Variants in ZFP42 observed in about 807,000 individuals in gnomAD.
ZFP42 encodes the protein zinc finger protein 42 homolog.
For missense variants in ZFP42, 438 were observed against 377.1 expected (o/e 1.16, Z -1.34); for synonymous variants, 175 against 144.6 (o/e 1.21, Z -1.51).
chr4:188,000,866 G>C (rs1191313747), intron 3 of ZFP42, among the ~76,000 whole-genome samples: 19 of 151,242 alleles, frequency 1.3e-4, no homozygotes, highest in Admixed American at 1.3e-3. Flanking sequence ...GCGGGGGGGC[G>C]CCTGCCTGTA....
chr4:188,002,015 A>G (rs1464209528), intron 3 of ZFP42, among the ~76,000 whole-genome samples: 4 of 152,114 alleles, frequency 2.6e-5, no homozygotes, highest in Non-Finnish European at 5.9e-5. Flanking sequence ...CATTTCTACT[A>G]AAACTAGAAA....
rs767809346 is a variant in ZFP42, at chr4:188,003,312, G to C, written c.505G>C (p.Ala169Pro). 10 of 1,614,034 alleles carry C rather than the reference G, an allele frequency of 6.2e-6. No homozygotes were observed. The South Asian group carries it at 9.9e-5, about 16-fold the overall frequency. Residue 169 changes from alanine (A) to proline (P), a missense_variant, in exon 4 of 4, where the codon GCA (alanine) becomes CCA (proline). Coordinates refer to ENST00000326866, the MANE Select transcript of ZFP42 (RefSeq NM_174900.5). ...TGACCTATCAGATCCTAAACAGCTC[G>C]CAGAATTTGCTAGAAAGAAGCCCCC... ...GIDLSDPKQL[A>P]EFARKKPPIN...
chr4:187,998,829 A>T (rs1457375902), intron 1 of ZFP42, among the ~76,000 whole-genome samples: 1 of 152,178 alleles, frequency 6.6e-6, no homozygotes, highest in Non-Finnish European at 1.5e-5. Context: ...TTCTCAGAAC[A>T]TATTCCTGTC....
rs763775076 is a variant in ZFP42 at position 188,003,327 on chromosome 4, A to C, written c.520A>C (p.Lys174Gln). 10 of 1,613,968 alleles carry C rather than the reference A, an allele frequency of 6.2e-6. No individual in the cohort carries two copies. In the Admixed American group the frequency reaches 6.7e-5, roughly 11 times the overall value. The part of the protein sequence containing the change: ...DPKQLAEFAR[K>Q]KPPINKEYDS... ...TAAACAGCTCGCAGAATTTGCTAGA[A>C]AGAAGCCCCCCATAAATAAAGAATA... Residue 174 changes from lysine (K) to glutamine (Q), a missense_variant, in exon 4 of 4, where the codon AAG becomes CAG. Coordinates refer to ENST00000326866, the MANE Select transcript of ZFP42 (RefSeq NM_174900.5).
In ZFP42 at chr4:188,002,788, A is replaced by G. The variant is rs1733879487; in HGVS notation, c.-20A>G. The G allele has an allele frequency of 6.2e-7, 1 of 1,610,078 alleles. No homozygotes were observed. The highest frequency in any genetic ancestry group is 1.7e-5 in the Admixed American group (1 of 59,452). ...ATATATCCTGGTGTAAACCTTCAAG[A>G]AGGGCACAGGCAGGAAAACATGAGC... On this transcript the variant is annotated 5_prime_UTR_variant, in exon 4 of 4. Coordinates refer to ENST00000326866, the MANE Select transcript of ZFP42 (RefSeq NM_174900.5).
At chr4:187,998,599 G>C (rs1246837533) in intron 1 of ZFP42, among the ~76,000 whole-genome samples, 2 of 152,032 alleles carry the variant, frequency 1.3e-5, no homozygotes, top group East Asian at 3.9e-4. Flanking sequence ...TTTATCTTTT[G>C]TACAGTATTT....
intron 3 of ZFP42, among the ~76,000 whole-genome samples, chr4:188,000,411 C>T (rs545450564): frequency 4.6e-5 from 7 of 150,662 alleles, no homozygotes; most frequent in South Asian, 2.1e-4. Context: ...CTTTTTTTTC[C>T]GAGAAAGTCG....
At chr4:187,996,842 T>TA (rs1320980226) in intron 1 of ZFP42, among the ~76,000 whole-genome samples, 3 of 152,102 alleles carry the variant, frequency 2.0e-5, no homozygotes, top group East Asian at 3.9e-4. Flanking sequence ...TCTTCTAACC[T>TA]AAAAAAACTT....
At chr4:187,999,414 G>A (rs1176948522) in intron 2 of ZFP42, 141 bp downstream of exon 2, 2 of 152,152 alleles carry the variant, frequency 1.3e-5, no homozygotes, top group African/African-American at 4.8e-5. Context: ...TTGCAGGCAT[G>A]AGCCACCATG....
intron 3 of ZFP42, among the ~76,000 whole-genome samples, chr4:188,002,313 C>A (rs921327377): frequency 6.6e-6 from 1 of 152,236 alleles, no homozygotes; most frequent in Non-Finnish European, 1.5e-5. Context: ...TGTTTCCTAC[C>A]AGCCCCTTTG....
chr4:188,001,029 T>C (rs1733790215), intron 3 of ZFP42, among the ~76,000 whole-genome samples: 1 of 152,106 alleles, frequency 6.6e-6, no homozygotes, highest in South Asian at 2.1e-4. Flanking sequence ...AAAATAACAT[T>C]AGTAGCATAT....
chr4:187,997,000 ATGGAGCG>A (rs150847996), intron 1 of ZFP42, among the ~76,000 whole-genome samples: 43 of 88,188 alleles, frequency 4.9e-4, no homozygotes, highest in Middle Eastern at 6.7e-3. Flanking sequence ...AGCATGGAGC[ATGGAGCG>A]TGGAGCGTGG....
intron 3 of ZFP42, among the ~76,000 whole-genome samples, chr4:188,002,011 T>A (rs942307441): frequency 6.6e-6 from 1 of 152,108 alleles, no homozygotes; most frequent in South Asian, 2.1e-4. Context: ...ACCCCATTTC[T>A]ACTAAAACTA....
chr4:188,000,831 C>G (rs941703378), intron 3 of ZFP42, among the ~76,000 whole-genome samples: 4 of 151,572 alleles, frequency 2.6e-5, no homozygotes, highest in African/African-American at 9.7e-5. Context: ...AAAAATAACA[C>G]AAATTAGCTG....
At position 188,003,778 on chromosome 4, in the gene ZFP42, TC is replaced by T. The variant is rs1243204482; in HGVS notation, c.*39del. 6.4e-7 allele frequency: 1 copy of T among 1,556,178 alleles called. No individual in the cohort carries two copies. The highest frequency in any genetic ancestry group is 2.3e-5 in the East Asian group (1 of 44,216). ...ATGAAGCAGATTAACAGAAGAGTGATCAGTGACAAACATGCCTCATTGATTA... is the reference window on the plus strand; with the variant it reads ...ATGAAGCAGATTAACAGAAGAGTGATAGTGACAAACATGCCTCATTGATTA... On this transcript the variant is annotated 3_prime_UTR_variant, in exon 4 of 4. Transcript: ENST00000326866.
In ZFP42 at chr4:188,003,539, G is replaced by T. The variant is rs908175834; in HGVS notation, c.732G>T (p.Pro244=). 1 of 1,613,644 alleles carries T rather than the reference G, an allele frequency of 6.2e-7. No homozygotes were observed. Among genetic ancestry groups the T allele is most frequent in the South Asian group, 1.1e-5 (1 of 91,086 alleles). Residue 244 remains proline (P), a synonymous_variant, in exon 4 of 4, where the codon CCG becomes CCT. Coordinates refer to ENST00000326866, the MANE Select transcript of ZFP42 (RefSeq NM_174900.5). ...RHFLVHTGEK[P]FRCTFEGCGK... ...TCCTGGTTCATACTGGAGAGAAGCC[G>T]TTTCGGTGCACTTTTGAAGGGTGCG...
chr4:188,000,134 C>T (rs1006015991), intron 3 of ZFP42, among the ~76,000 whole-genome samples: 3 of 151,976 alleles, frequency 2.0e-5, no homozygotes, highest in African/African-American at 7.3e-5. Flanking sequence ...ATCCCGAGTC[C>T]GAAAATTCAA....
intron 3 of ZFP42, among the ~76,000 whole-genome samples, chr4:188,000,852 C>T (rs1280586642): frequency 1.4e-5 from 2 of 148,012 alleles, no homozygotes; most frequent in Non-Finnish European, 3.0e-5. Flanking sequence ...GGTGTGGTGG[C>T]GGGGCGGGGG....
chr4:188,002,453 A>T (rs1560914631), intron 3 of ZFP42, among the ~76,000 whole-genome samples: 1 of 152,216 alleles, frequency 6.6e-6, no homozygotes, highest in African/African-American at 2.4e-5. Flanking sequence ...CAAACTGTGT[A>T]GCCTAAAATA....
Sources: gnomAD v4.1 joint callset for allele counts (sites outside exome capture counted in the v4.1 genomes callset) on GRCh38, gnomAD v4.1.1 for gene constraint, MANE v1.5 for transcripts, NCBI Gene and HGNC (gene_info 2026-07-23, HGNC 2026-07-21) for gene names.